ZNRF1: variants seen among roughly 807,000 people sequenced by gnomAD.
ZNRF1 encodes the protein E3 ubiquitin-protein ligase ZNRF1.
Under a neutral mutation model 18.4 loss-of-function variants are expected in ZNRF1, and 3 were observed. The ratio of observed to expected loss-of-function variants is 0.16; its 90% CI spans 0.07 to 0.42. ZNRF1 has a LOEUF of 0.42. ZNRF1 is among the 10% of genes least tolerant of loss of function. The pLI is 0.99. For synonymous variants in ZNRF1, 157 were observed against 144.2 expected, an observed-to-expected ratio of 1.09 and a Z score of -0.64; for missense variants, 310 against 329.8, an observed-to-expected ratio of 0.94 and a Z score of 0.47.
intron 1 of ZNRF1, chr16:75,046,684 T>G (rs951832312): frequency 1.3e-5 from 2 of 152,340 alleles, no homozygotes; most frequent in Non-Finnish European, 2.9e-5. Context: ...CACACCATTC[T>G]CCTGCCTCAG....
intron 1 of ZNRF1, among the ~76,000 whole-genome samples, chr16:75,073,794 C>T (rs1255293135): frequency 6.6e-6 from 1 of 152,022 alleles, no homozygotes; most frequent in East Asian, 1.9e-4. Context: ...CCAACATCCT[C>T]GTGCTGTATT....
intron 1 of ZNRF1, among the ~76,000 whole-genome samples, chr16:75,084,004 T>C (rs1047213071): frequency 2.0e-5 from 3 of 152,200 alleles, no homozygotes; most frequent in Non-Finnish European, 4.4e-5. Context: ...CTGCATACAG[T>C]GCAGGTCAAG....
intron 1 of ZNRF1, among the ~76,000 whole-genome samples, chr16:75,022,320 T>G (rs2035161612): frequency 6.6e-6 from 1 of 151,024 alleles, no homozygotes; most frequent in Non-Finnish European, 1.5e-5. Flanking sequence ...TCCCAGCACT[T>G]TGGGAGGCTG....
intron 4 of ZNRF1, 75 bp from the exon 5 acceptor site, chr16:75,107,658 G>A (rs1157117831): frequency 4.4e-6 from 2 of 454,638 alleles, no homozygotes; most frequent in African/African-American, 4.0e-5. Flanking sequence ...TGCCCTCTTG[G>A]GATGCAGCTG....
chr16:75,038,567 G>A (rs1013369455), intron 1 of ZNRF1, among the ~76,000 whole-genome samples: 8 of 152,224 alleles, frequency 5.3e-5, no homozygotes, highest in Admixed American at 1.3e-4. Flanking sequence ...GGACATTGCT[G>A]AAGAGCTGGT....
At chr16:75,101,599 C>G (rs1016932996) in intron 2 of ZNRF1, among the ~76,000 whole-genome samples, 9 of 152,206 alleles carry the variant, frequency 5.9e-5, no homozygotes, top group African/African-American at 1.9e-4. Flanking sequence ...CACCTGGAGT[C>G]TGCAGTGTAC....
At chr16:75,020,963 T>C (rs577699505) in intron 1 of ZNRF1, among the ~76,000 whole-genome samples, 1 of 152,356 alleles carries the variant, frequency 6.6e-6, no homozygotes, top group Admixed American at 6.5e-5. Context: ...TCAATATCTC[T>C]ACTCTCTTCC....
intron 2 of ZNRF1, among the ~76,000 whole-genome samples, chr16:75,103,477 C>T (rs1168373505): frequency 6.6e-6 from 1 of 151,962 alleles, no homozygotes; most frequent in Non-Finnish European, 1.5e-5. Flanking sequence ...CTCATAGAAG[C>T]AGAGAGTAGA....
At chr16:75,039,389 G>C (rs894370459) in intron 1 of ZNRF1, among the ~76,000 whole-genome samples, 5 of 151,990 alleles carry the variant, frequency 3.3e-5, no homozygotes, top group Middle Eastern at 3.2e-3. Context: ...AAAGACTTTA[G>C]AACCACTTAA....
intron 1 of ZNRF1, among the ~76,000 whole-genome samples, chr16:75,066,406 G>A (rs2035804936): frequency 6.6e-6 from 1 of 152,166 alleles, no homozygotes. Context: ...GATGAGTTCA[G>A]TACCATTTTA....
intron 1 of ZNRF1, among the ~76,000 whole-genome samples, chr16:75,043,698 A>G (rs901630109): frequency 3.3e-5 from 5 of 152,014 alleles, no homozygotes; most frequent in Non-Finnish European, 7.4e-5. Context: ...TATATATAGC[A>G]TGTAAGAGAC....
intron 1 of ZNRF1, among the ~76,000 whole-genome samples, chr16:75,068,587 C>T (rs2035832539): frequency 6.6e-6 from 1 of 152,078 alleles, no homozygotes; most frequent in Non-Finnish European, 1.5e-5. Context: ...AGCTACAGAC[C>T]CAGTGATCCT....
Position 75,009,321 on chromosome 16 carries a change from G to A in ZNRF1, c.424+9226G>A, listed in dbSNP as rs919328814. On this transcript the variant is annotated intron_variant, in intron 1 of 4. Transcript: ENST00000335325. ...TGTAACAAAATTTACTATCTTAACC[G>A]TTTTTAAGTGTACAGTTCAGTGGTA... 2.6e-5 allele frequency among the ~76,000 whole-genome samples: 4 copies of A among 152,008 alleles called. No homozygotes were observed. The East Asian group carries it at 5.8e-4, about 22-fold the overall frequency.
At chr16:75,074,548 A>C (rs765202759) in intron 1 of ZNRF1, among the ~76,000 whole-genome samples, 2 of 152,176 alleles carry the variant, frequency 1.3e-5, no homozygotes, top group Non-Finnish European at 2.9e-5. Context: ...ATGACCATAT[A>C]ATTTATCATT....
intron 2 of ZNRF1, chr16:75,104,518 C>T (rs111874444): frequency 9.8e-6 from 3 of 305,682 alleles, no homozygotes; most frequent in African/African-American, 6.6e-5. Context: ...AAGCCTTTTT[C>T]GTCCGCTGTC....
chr16:75,108,078 T>G lies in ZNRF1; in HGVS notation c.*378T>G. ...CTCGTGATGTTTACAGCTTGCTGTT[T>G]GCTGCCCAGCCATAACCCACTCAGT... On this transcript the variant is annotated 3_prime_UTR_variant, in exon 5 of 5. Transcript: ENST00000335325. The G allele has an allele frequency of 3.5e-6, 1 of 288,568 alleles. No homozygotes were observed. Among genetic ancestry groups the G allele is most frequent in the Non-Finnish European group, 6.8e-6 (1 of 147,148 alleles). The allele number at this position is 288,568 out of a possible 1,614,324, so 17.9% of individuals were successfully genotyped here.
Position 75,107,757 on chromosome 16 carries a change from AGGAGGCTCACC to A in ZNRF1, c.*61_*71del, listed in dbSNP as rs2036335739. ...GGGACAGAGCGCCCCTGCTCCAGGG[AGGAGGCTCACC>A]GGACCCTGGGGCAGAGCTGAGCTTG... On this transcript the variant is annotated 3_prime_UTR_variant, in exon 5 of 5. Transcript: ENST00000335325. 1 of 456,360 alleles carries A rather than the reference AGGAGGCTCACC, an allele frequency of 2.2e-6. No homozygotes were observed. Among genetic ancestry groups the A allele is most frequent in the Non-Finnish European group, 4.4e-6 (1 of 226,800 alleles). The allele number at this position is 456,360 out of a possible 1,614,324, so 28.3% of individuals were successfully genotyped here. A position where few individuals can be genotyped will look rare whatever the true frequency, so the allele number is the denominator to read the frequency against.
chr16:75,099,823 C>T (rs923304844), intron 2 of ZNRF1, among the ~76,000 whole-genome samples: 2 of 152,196 alleles, frequency 1.3e-5, no homozygotes, highest in East Asian at 1.9e-4. Flanking sequence ...GTGTCAGATG[C>T]TTCTGGAAGT....
chr16:75,092,422 C>T (rs971918362), intron 1 of ZNRF1, among the ~76,000 whole-genome samples: 5 of 152,102 alleles, frequency 3.3e-5, no homozygotes, highest in African/African-American at 1.2e-4. Context: ...GGGCAGGAAT[C>T]ACAGTCACAA....
Sources: allele counts gnomAD v4.1 joint callset (sites outside exome capture counted in the v4.1 genomes callset), GRCh38; gene constraint gnomAD v4.1.1; transcripts MANE v1.5; gene names NCBI Gene and HGNC (gene_info 2026-07-23, HGNC 2026-07-21).